The following LIPC variants were observed in gnomAD, a reference collection of about 807,000 sequenced individuals.
LIPC encodes the protein hepatic triacylglycerol lipase.
LIPC carries 44 observed loss-of-function variants against 50.7 expected under a neutral mutation model. That is an observed-to-expected ratio of 0.87 (90% confidence interval 0.68 to 1.11). The LOEUF is 1.11. Ranked by LOEUF, LIPC falls within the 50% of genes most tolerant of loss-of-function variation. LIPC has a pLI of 0.00. For synonymous variants in LIPC, 271 were observed against 256.4 expected (o/e 1.06, Z -0.54); for missense variants, 697 against 648.2 (o/e 1.08, Z -0.82).
intron 5 of LIPC, among the ~76,000 whole-genome samples, chr15:58,547,649 G>A (rs1427906402): frequency 6.9e-6 from 1 of 145,660 alleles, no homozygotes; most frequent in East Asian, 2.0e-4. Flanking sequence ...AAAAAAAAAA[G>A]GTCAAATCCT....
intron 1 of LIPC, among the ~76,000 whole-genome samples, chr15:58,490,372 G>T (rs533091598): frequency 1.3e-5 from 2 of 152,296 alleles, no homozygotes; most frequent in South Asian, 2.1e-4. Flanking sequence ...CCAAAAGAGC[G>T]TATCTCCTCC....
intron 1 of LIPC, among the ~76,000 whole-genome samples, chr15:58,510,850 C>T (rs572779441): frequency 6.6e-6 from 1 of 152,236 alleles, no homozygotes; most frequent in Admixed American, 6.5e-5. Context: ...CTGAAAGGAC[C>T]TCTCAGCAAG....
rs548590424 is a variant in LIPC at position 58,549,660 on chromosome 15, C to G, written c.1051+1088C>G. Reference sequence around the variant, plus strand: ...AGCTTATTTTTGAGGCACAGGATTTCTCTGTGTATCGGAACTTTTGCTCTC... The same window carrying G: ...AGCTTATTTTTGAGGCACAGGATTTGTCTGTGTATCGGAACTTTTGCTCTC... On this transcript the variant is annotated intron_variant, in intron 6 of 8. Transcript: ENST00000299022. 1.6e-4 allele frequency among the ~76,000 whole-genome samples: 24 copies of G among 152,358 alleles called. No homozygotes were observed. In the East Asian group the frequency reaches 1.7e-3, roughly 11 times the overall value.
chr15:58,503,928 CA>C (rs1385441508), intron 1 of LIPC, among the ~76,000 whole-genome samples: 4 of 152,314 alleles, frequency 2.6e-5, no homozygotes, highest in African/African-American at 9.6e-5. Flanking sequence ...CCCAAACACA[CA>C]CACTGCACCA....
chr15:58,440,592 G>A (rs1409502824), intron 1 of LIPC, among the ~76,000 whole-genome samples: 1 of 152,186 alleles, frequency 6.6e-6, no homozygotes, highest in Admixed American at 6.5e-5. Context: ...ACTGTGCCAG[G>A]GTCTCTAGCC....
intron 1 of LIPC, among the ~76,000 whole-genome samples, chr15:58,503,811 TAGGCATGCC>T (rs796791843): frequency 2.6e-5 from 4 of 151,970 alleles, no homozygotes; most frequent in African/African-American, 9.7e-5. Flanking sequence ...AACCAAGGAG[TAGGCATGCC>T]AGGCAGGTCT....
At chr15:58,546,251 T>C (rs1312489315) in intron 5 of LIPC, among the ~76,000 whole-genome samples, 1 of 152,182 alleles carries the variant, frequency 6.6e-6, no homozygotes, top group Non-Finnish European at 1.5e-5. Flanking sequence ...TCCAGCCCCA[T>C]GTGCCCAGGC....
chr15:58,532,465 A>G (rs1165419012), intron 1 of LIPC, among the ~76,000 whole-genome samples: 4 of 152,076 alleles, frequency 2.6e-5, no homozygotes, highest in Non-Finnish European at 5.9e-5. Flanking sequence ...CTTCCAGAGG[A>G]CCCTTGCCAG....
intron 1 of LIPC, among the ~76,000 whole-genome samples, chr15:58,512,030 C>T (rs1041446924): frequency 6.6e-6 from 1 of 152,096 alleles, no homozygotes; most frequent in Admixed American, 6.5e-5. Flanking sequence ...AACCATAATA[C>T]AATAGTTATC....
intron 1 of LIPC, among the ~76,000 whole-genome samples, chr15:58,500,092 C>A (rs1244772221): frequency 6.6e-6 from 1 of 152,076 alleles, no homozygotes; most frequent in Admixed American, 6.5e-5. Flanking sequence ...CCAACTGAAA[C>A]GTAAGGATCC....
intron 1 of LIPC, among the ~76,000 whole-genome samples, chr15:58,498,285 T>A (rs1467583186): frequency 6.6e-6 from 1 of 152,086 alleles, no homozygotes; most frequent in East Asian, 1.9e-4. Flanking sequence ...CGCAAGGATG[T>A]GGTTCAATAG....
chr15:58,510,804 TAAAC>T (rs1166857167), intron 1 of LIPC, among the ~76,000 whole-genome samples: 1 of 152,222 alleles, frequency 6.6e-6, no homozygotes, highest in Non-Finnish European at 1.5e-5. Context: ...AATACTATAA[TAAAC>T]AAGTAAGCAA....
chr15:58,481,795 T>C (rs1404046074), intron 1 of LIPC, among the ~76,000 whole-genome samples: 1 of 152,212 alleles, frequency 6.6e-6, no homozygotes, highest in Admixed American at 6.5e-5. Flanking sequence ...CGAGACTCCA[T>C]CTCTAAATAA....
At chr15:58,558,525 C>T (rs1266199177) in intron 6 of LIPC, among the ~76,000 whole-genome samples, 1 of 152,232 alleles carries the variant, frequency 6.6e-6, no homozygotes, top group Non-Finnish European at 1.5e-5. Context: ...CCGGGCCTCA[C>T]AGCCAGAGGT....
chr15:58,553,984 C>T (rs1893846795), intron 6 of LIPC, among the ~76,000 whole-genome samples: 2 of 151,394 alleles, frequency 1.3e-5, no homozygotes, highest in African/African-American at 4.9e-5. Context: ...GAGAGAAATC[C>T]ATACACGGAG....
intron 1 of LIPC, among the ~76,000 whole-genome samples, chr15:58,532,292 A>C (rs1326112571): frequency 6.6e-6 from 1 of 152,174 alleles, no homozygotes; most frequent in Non-Finnish European, 1.5e-5. Flanking sequence ...CCATCTTTCC[A>C]TCGTGCAAGA....
chr15:58,464,318 T>G (rs1894462070), intron 1 of LIPC, among the ~76,000 whole-genome samples: 1 of 152,208 alleles, frequency 6.6e-6, no homozygotes, highest in African/African-American at 2.4e-5. Flanking sequence ...GTGCCGCCTG[T>G]GTGAACCAAC....
intron 1 of LIPC, among the ~76,000 whole-genome samples, chr15:58,471,332 G>GGGGT (rs1555399305): frequency 7.2e-6 from 1 of 138,740 alleles, no homozygotes; most frequent in Non-Finnish European, 1.6e-5. Flanking sequence ...TAGAGATGGG[G>GGGGT]GGGGGTGGTC....
intron 6 of LIPC, among the ~76,000 whole-genome samples, chr15:58,552,945 C>T (rs1444669152): frequency 1.3e-5 from 2 of 152,134 alleles, no homozygotes; most frequent in African/African-American, 4.8e-5. Context: ...AAACCTGCCC[C>T]GGTCAGTTCA....
Sources: allele counts gnomAD v4.1 joint callset (sites outside exome capture counted in the v4.1 genomes callset), GRCh38; gene constraint gnomAD v4.1.1; transcripts MANE v1.5; gene names NCBI Gene and HGNC (gene_info 2026-07-23, HGNC 2026-07-21).